ARMC8: variants seen among roughly 807,000 people sequenced by gnomAD.
ARMC8 encodes the protein armadillo repeat-containing protein 8.
Under a neutral mutation model 99.3 loss-of-function variants are expected in ARMC8, and 20 were observed. That is an observed-to-expected ratio of 0.20 (90% CI 0.14 to 0.29). The LOEUF is 0.29. Ranked by LOEUF, ARMC8 falls within the 10% of genes least tolerant of loss-of-function variation. ARMC8 has a pLI of 1.00. For synonymous variants in ARMC8, 263 were observed against 278.3 expected (o/e 0.95, Z 0.55); for missense variants, 569 against 809.5 (o/e 0.70, Z 3.60).
At chr3:138,256,370 G>T (rs1313291612) in intron 12 of ARMC8, among the ~76,000 whole-genome samples, 1 of 150,384 alleles carries the variant, frequency 6.6e-6, no homozygotes, top group African/African-American at 2.5e-5. Context: ...CTCTCTGGGA[G>T]GTCCTGTAAA....
At chr3:138,244,340 C>T (rs894942457) in intron 11 of ARMC8, among the ~76,000 whole-genome samples, 2 of 152,066 alleles carry the variant, frequency 1.3e-5, no homozygotes, top group Admixed American at 1.3e-4. Context: ...TGCAGTGGCG[C>T]GATCTCGGCT....
At chr3:138,188,656 G>T in intron 1 of ARMC8, 1 of 1,279,858 alleles carries the variant, frequency 7.8e-7, no homozygotes, top group South Asian at 1.2e-5. Flanking sequence ...ATGACTTGTC[G>T]GGTTCCTAGA....
rs1165665625 is a variant in ARMC8, at chr3:138,297,525, C to T, written c.*1633C>T. 6.6e-6 allele frequency: 1 copy of T among 152,226 alleles called. No homozygotes were observed. The highest frequency in any genetic ancestry group is 1.5e-5 in the Non-Finnish European group (1 of 68,042). The allele number at this position is 152,226 out of a possible 1,614,324, so 9.4% of individuals were successfully genotyped here. A position where few individuals can be genotyped will look rare whatever the true frequency, so the allele number is the denominator to read the frequency against. On this transcript the variant is annotated 3_prime_UTR_variant, in exon 22 of 22. Transcript: ENST00000469044. ...TGCTCACACTGCAGCTGCCCTATCA[C>T]CACCCTGCACGTTCCTTGGAAGATT...
rs186889848 is a variant in ARMC8 at position 138,266,519 on chromosome 3, C to T, written c.1300-636C>T. Among the ~76,000 whole-genome samples the T allele has an allele frequency of 4.3e-4, 66 of 152,222 alleles. 1 individual carries two copies. The highest frequency in any genetic ancestry group is 1.3e-3 in the African/African-American group (56 of 41,542). On this transcript the variant is annotated intron_variant, in intron 14 of 21. Coordinates refer to ENST00000469044, the MANE Select transcript of ARMC8 (RefSeq NM_001363941.2). ...TCTTATGTTTTTCATTTCCCTGCTA[C>T]GGTACTTCCCTTATTATTCACTATA...
intron 5 of ARMC8, among the ~76,000 whole-genome samples, chr3:138,224,183 C>T (rs2045561120): frequency 6.6e-6 from 1 of 151,742 alleles, no homozygotes; most frequent in Non-Finnish European, 1.5e-5. Context: ...TGGTCTTGAA[C>T]TCCTGACCTT....
rs1576721985 is a variant in ARMC8, at chr3:138,237,672, T to C, written c.776+100T>C. 1.1e-5 allele frequency: 10 copies of C among 923,132 alleles called. No homozygotes were observed. In the East Asian group the frequency reaches 2.6e-4, roughly 24 times the overall value. 57.2% of individuals were successfully genotyped at this position (923,132 alleles called of 1,614,324 possible). A position where few individuals can be genotyped will look rare whatever the true frequency, so the allele number is the denominator to read the frequency against. ...TGCTTGCTTCCAATCCCCATTTTATTTTGAGATTTTGAAATTTGAAAGTCA... is the reference window on the plus strand; with the variant it reads ...TGCTTGCTTCCAATCCCCATTTTATCTTGAGATTTTGAAATTTGAAAGTCA... On this transcript the variant is annotated intron_variant, in intron 9 of 21. Coordinates refer to ENST00000469044, the MANE Select transcript of ARMC8 (RefSeq NM_001363941.2).
intron 14 of ARMC8, among the ~76,000 whole-genome samples, chr3:138,266,177 C>T (rs1398353877): frequency 6.6e-6 from 1 of 152,122 alleles, no homozygotes; most frequent in Non-Finnish European, 1.5e-5. Context: ...TCTTTTTCAC[C>T]CTATTAGACA....
chr3:138,283,066 A>T (rs1442561895), intron 18 of ARMC8, among the ~76,000 whole-genome samples: 1 of 152,198 alleles, frequency 6.6e-6, no homozygotes, highest in Non-Finnish European at 1.5e-5. Flanking sequence ...CCCTGGAATA[A>T]ATAGTTCCCC....
intron 12 of ARMC8, among the ~76,000 whole-genome samples, chr3:138,252,471 T>C (rs1362395218): frequency 1.3e-5 from 2 of 149,886 alleles, no homozygotes; most frequent in Admixed American, 6.6e-5. Flanking sequence ...TTTTTTTTTT[T>C]GAGACGGGGT....
At chr3:138,229,134 G>GTGTATATA (rs2045852958) in intron 6 of ARMC8, 124 bp downstream of exon 6, 3 of 78,606 alleles carry the variant, frequency 3.8e-5, no homozygotes, top group Non-Finnish European at 6.9e-5. Flanking sequence ...GTGTGTGCGT[G>GTGTATATA]TATATATATA....
intron 12 of ARMC8, among the ~76,000 whole-genome samples, chr3:138,248,737 A>T (rs1394322647): frequency 6.6e-6 from 1 of 152,266 alleles, no homozygotes; most frequent in Non-Finnish European, 1.5e-5. Flanking sequence ...CTTACTCTTC[A>T]AGTAACTAGT....
At position 138,201,436 on chromosome 3, in the gene ARMC8, C is replaced by CTTTTTTTTTTTTTTTTTTTTTTT. The variant is rs58707271; in HGVS notation, c.46-8362_46-8340dup. Among the ~76,000 whole-genome samples, 5 of 64,996 alleles carry CTTTTTTTTTTTTTTTTTTTTTTT rather than the reference C, an allele frequency of 7.7e-5. 2 individuals carry two copies. Among genetic ancestry groups the CTTTTTTTTTTTTTTTTTTTTTTT allele is most frequent in the Non-Finnish European group, 6.8e-5 (2 of 29,394 alleles). 42.6% of individuals were successfully genotyped at this position (64,996 alleles called of 152,430 possible). A position where few individuals can be genotyped will look rare whatever the true frequency, so the allele number is the denominator to read the frequency against. ...TAGAGTCCTTGTCTTCTTCCCCTCC[C>CTTTTTTTTTTTTTTTTTTTTTTT]TTTTTTTTTTTTTTTTTTTTTTTTT... On this transcript the variant is annotated intron_variant, in intron 1 of 21. Coordinates refer to ENST00000469044, the MANE Select transcript of ARMC8 (RefSeq NM_001363941.2).
chr3:138,264,670 G>A (rs1355991733), intron 14 of ARMC8, among the ~76,000 whole-genome samples: 5 of 151,532 alleles, frequency 3.3e-5, no homozygotes, highest in African/African-American at 7.3e-5. Context: ...TGCCCGCCTC[G>A]GCCCTCCAAA....
intron 1 of ARMC8, chr3:138,188,493 A>AT: frequency 6.2e-7 from 1 of 1,613,710 alleles, no homozygotes; most frequent in Non-Finnish European, 8.5e-7. Context: ...ACTTCGAAGG[A>AT]TTTTGCAACA....
At chr3:138,215,527 T>G (rs568705888) in intron 2 of ARMC8, among the ~76,000 whole-genome samples, 1 of 152,330 alleles carries the variant, frequency 6.6e-6, no homozygotes, top group African/African-American at 2.4e-5. Context: ...AATTATCTTT[T>G]CAAATGTATA....
rs144420960 is a variant in ARMC8 at position 138,259,473 on chromosome 3, A to G, written c.1135-4266A>G. ...TATTGTCCATACCCTTTTGGAATTC[A>G]AAGTTTACATTCTAATTTTATATTG... is the stretch of plus-strand genomic sequence containing the variant. On this transcript the variant is annotated intron_variant, in intron 12 of 21. Transcript: ENST00000469044. Among the ~76,000 whole-genome samples the G allele has an allele frequency of 2.2e-3, 329 of 152,302 alleles. 3 individuals are homozygous for G. The highest frequency in any genetic ancestry group is 0.014 in the Admixed American group (211 of 15,298).
intron 1 of ARMC8, among the ~76,000 whole-genome samples, chr3:138,201,436 C>CCTTTTTT (rs2044064743): frequency 3.1e-5 from 2 of 64,932 alleles, no homozygotes; most frequent in Non-Finnish European, 6.8e-5. Context: ...CTTCCCCTCC[C>CCTTTTTT]TTTTTTTTTT....
At chr3:138,286,820 T>C (rs183854340) in intron 19 of ARMC8, among the ~76,000 whole-genome samples, 2 of 152,266 alleles carry the variant, frequency 1.3e-5, no homozygotes, top group East Asian at 3.9e-4. Flanking sequence ...TCCAAATGTG[T>C]TTCCCAGCCT....
chr3:138,191,771 G>A lies in ARMC8; in HGVS notation c.45+4172G>A, dbSNP rs146643537. Among the ~76,000 whole-genome samples, 11 of 152,284 alleles carry A rather than the reference G, an allele frequency of 7.2e-5. No homozygotes were observed. In the East Asian group the frequency reaches 2.1e-3, roughly 29 times the overall value. On this transcript the variant is annotated intron_variant, in intron 1 of 21. Coordinates refer to ENST00000469044, the MANE Select transcript of ARMC8 (RefSeq NM_001363941.2). ...GGAATCATACAGTATGTGACTTTTT[G>A]AGGTTGTTTTTTGTCACTCAGTATA...
Sources: gnomAD v4.1 joint callset for allele counts (sites outside exome capture counted in the v4.1 genomes callset) on GRCh38, gnomAD v4.1.1 for gene constraint, MANE v1.5 for transcripts, NCBI Gene and HGNC (gene_info 2026-07-23, HGNC 2026-07-21) for gene names.